TPD52L1: variants seen among roughly 807,000 people sequenced by gnomAD.
TPD52L1 encodes TPD52 like 1.
In TPD52L1, 18 loss-of-function variants were observed where a neutral mutation model predicts 28.7. The observed-to-expected ratio is 0.63, with a 90% confidence interval of 0.43 to 0.93. TPD52L1 has a LOEUF of 0.93. TPD52L1 is among the 40% of genes least tolerant of loss of function. TPD52L1 has a pLI of 0.00. For missense variants in TPD52L1, 203 were observed against 254.8 expected, an observed-to-expected ratio of 0.80 and a Z score of 1.39; for synonymous variants, 75 against 88.8, an observed-to-expected ratio of 0.84 and a Z score of 0.88.
intron 1 of TPD52L1, among the ~76,000 whole-genome samples, chr6:125,184,705 T>C (rs3799764): frequency 0.089 from 13,551 of 152,054 alleles, 719 homozygotes; most frequent in Middle Eastern, 0.14. Flanking sequence ...TAACAACTTA[T>C]AGAATTGAAA....
At chr6:125,172,512 CTATATATATATATATATATATA>C (rs60135828) in intron 1 of TPD52L1, among the ~76,000 whole-genome samples, 12 of 16,408 alleles carry the variant, frequency 7.3e-4, no homozygotes, top group African/African-American at 1.6e-3. Context: ...CTCTTTCATG[CTATATATATATATATATATATA>C]TATATATATA....
intron 6 of TPD52L1, among the ~76,000 whole-genome samples, chr6:125,260,534 G>A (rs2115070304): frequency 6.6e-6 from 1 of 152,290 alleles, no homozygotes; most frequent in South Asian, 2.1e-4. Flanking sequence ...GCCAGGCCTG[G>A]TGGCTCACGC....
intron 1 of TPD52L1, among the ~76,000 whole-genome samples, chr6:125,172,660 T>C (rs1791571859): frequency 7.7e-6 from 1 of 129,434 alleles, no homozygotes; most frequent in African/African-American, 3.0e-5. Flanking sequence ...ATAAATTAGG[T>C]ATATATATAT....
chr6:125,204,599 C>T, intron 1 of TPD52L1, among the ~76,000 whole-genome samples: 1 of 152,072 alleles, frequency 6.6e-6, no homozygotes, highest in Non-Finnish European at 1.5e-5. Context: ...CCTGCCTCAG[C>T]CTCCCTAGTA....
chr6:125,256,915 T>C (rs536097894), intron 5 of TPD52L1, among the ~76,000 whole-genome samples, 183 bp from the exon 6 acceptor site: 1 of 152,396 alleles, frequency 6.6e-6, no homozygotes, highest in Admixed American at 6.5e-5. Flanking sequence ...TGTCAGGTTA[T>C]GGTTTCTGAA....
chr6:125,229,092 C>T, intron 2 of TPD52L1, 26 bp from the exon 3 acceptor site: 1 of 1,603,124 alleles, frequency 6.2e-7, no homozygotes, highest in South Asian at 1.1e-5. Flanking sequence ...GACATTTTCC[C>T]CCACCATTTC....
At chr6:125,211,257 A>ATCTGTCTG (rs140587319) in intron 1 of TPD52L1, among the ~76,000 whole-genome samples, 13 of 125,864 alleles carry the variant, frequency 1.0e-4, no homozygotes, top group African/African-American at 4.2e-4. Flanking sequence ...AGATATATGG[A>ATCTGTCTG]TCTGTCTATC....
At position 125,264,183 on chromosome 6, in the gene TPD52L1, A is replaced by G. The variant is rs1247503173; in HGVS notation, c.*1221A>G. 6.6e-6 allele frequency: 1 copy of G among 152,160 alleles called. No individual in the cohort carries two copies. The highest frequency in any genetic ancestry group is 6.5e-5 in the Admixed American group (1 of 15,272). 9.4% of individuals were successfully genotyped at this position (152,160 alleles called of 1,614,324 possible). A position where few individuals can be genotyped will look rare whatever the true frequency, so the allele number is the denominator to read the frequency against. ...ATATGTATCTCTTTTCTTTTTCTAA[A>G]TGGGAACATATATTTGTTATTAGGT... On this transcript the variant is annotated 3_prime_UTR_variant, in exon 7 of 7. Coordinates refer to ENST00000534000, the MANE Select transcript of TPD52L1 (RefSeq NM_003287.4).
Position 125,153,789 on chromosome 6 carries a change from G to C in TPD52L1, c.-163G>C, listed in dbSNP as rs1789925327. The C allele has an allele frequency of 7.6e-5, 54 of 708,950 alleles. No individual in the cohort carries two copies. In the South Asian group the frequency reaches 1.1e-3, roughly 14 times the overall value. The allele number at this position is 708,950 out of a possible 1,614,324, so 43.9% of individuals were successfully genotyped here. A position where few individuals can be genotyped will look rare whatever the true frequency, so the allele number is the denominator to read the frequency against. ...GAGGTAACCAGAAGCGGCTAGTGGCGGCTGCCTGCGTCCCCAACCCCCTCC... is the reference window on the plus strand; with the variant it reads ...GAGGTAACCAGAAGCGGCTAGTGGCCGCTGCCTGCGTCCCCAACCCCCTCC... On this transcript the variant is annotated 5_prime_UTR_variant, in exon 1 of 7. Coordinates refer to ENST00000534000, the MANE Select transcript of TPD52L1 (RefSeq NM_003287.4).
At chr6:125,240,550 A>G (rs1361362669) in intron 3 of TPD52L1, among the ~76,000 whole-genome samples, 1 of 152,058 alleles carries the variant, frequency 6.6e-6, no homozygotes, top group Non-Finnish European at 1.5e-5. Context: ...TTGGTTAAGT[A>G]TATTCCTAAG....
rs893551647 is a variant in TPD52L1 at position 125,263,101 on chromosome 6, A to G, written c.*139A>G. Reference sequence around the variant, plus strand: ...ATTGTTATTCAAATGGCCCCTCCAGAAAGTTTAATGATTTCCATTTGTATT... The same window carrying G: ...ATTGTTATTCAAATGGCCCCTCCAGGAAGTTTAATGATTTCCATTTGTATT... On this transcript the variant is annotated 3_prime_UTR_variant, in exon 7 of 7. Coordinates refer to ENST00000534000, the MANE Select transcript of TPD52L1 (RefSeq NM_003287.4). The G allele has an allele frequency of 4.8e-6, 5 of 1,038,538 alleles. No individual in the cohort carries two copies. The highest frequency in any genetic ancestry group is 6.7e-6 in the Non-Finnish European group (5 of 742,396). 64.3% of individuals were successfully genotyped at this position (1,038,538 alleles called of 1,614,324 possible).
chr6:125,198,839 T>C (rs546790119), intron 1 of TPD52L1, among the ~76,000 whole-genome samples: 101 of 152,294 alleles, frequency 6.6e-4, no homozygotes, highest in Non-Finnish European at 1.1e-3. Context: ...TCGTATCTAG[T>C]TGGCAGAGGC....
intron 1 of TPD52L1, chr6:125,203,641 T>G: frequency 1.0e-6 from 1 of 985,436 alleles, no homozygotes; most frequent in Middle Eastern, 5.2e-4. Flanking sequence ...GCAGAAACCC[T>G]TGGTGTGTGC....
chr6:125,252,013 G>A (rs1797300849), intron 4 of TPD52L1: 11 of 1,536,004 alleles, frequency 7.2e-6, no homozygotes, highest in East Asian at 4.9e-5. Flanking sequence ...CTGTGCTTCC[G>A]GGCTGCAGGT....
intron 4 of TPD52L1, chr6:125,252,799 T>C (rs74454028): frequency 6.6e-6 from 1 of 152,342 alleles, no homozygotes; most frequent in East Asian, 1.9e-4. Flanking sequence ...CCCATGAATT[T>C]GTTTGTCCTT....
intron 1 of TPD52L1, among the ~76,000 whole-genome samples, chr6:125,205,264 G>A (rs1028723985): frequency 3.3e-5 from 5 of 152,276 alleles, no homozygotes; most frequent in East Asian, 3.9e-4. Context: ...AGCAAACTTG[G>A]TGACCCCGAC....
intron 2 of TPD52L1, chr6:125,222,074 G>A (rs1476517545): frequency 6.6e-6 from 1 of 152,186 alleles, no homozygotes; most frequent in Non-Finnish European, 1.5e-5. Context: ...TCTGCTTTAT[G>A]CTCATTCTGT....
At position 125,216,527 on chromosome 6, in the gene TPD52L1, GTGTATATATA is replaced by G. The variant is rs1440989788; in HGVS notation, c.20-3549_20-3540del. ...TTGCAACAGTAAATTCAGTATGTGT[GTGTATATATA>G]TATATATATATATATATATATATAT... On this transcript the variant is annotated intron_variant, in intron 1 of 6. Coordinates refer to ENST00000534000, the MANE Select transcript of TPD52L1 (RefSeq NM_003287.4). 9.1e-3 allele frequency among the ~76,000 whole-genome samples: 364 copies of G among 40,190 alleles called. 6 individuals are homozygous for G. Among genetic ancestry groups the G allele is most frequent in the African/African-American group, 0.024 (340 of 14,066 alleles). 26.4% of individuals were successfully genotyped at this position (40,190 alleles called of 152,430 possible). A position where few individuals can be genotyped will look rare whatever the true frequency, so the allele number is the denominator to read the frequency against.
At chr6:125,260,682 G>A (rs1334244805) in intron 6 of TPD52L1, among the ~76,000 whole-genome samples, 1 of 151,768 alleles carries the variant, frequency 6.6e-6, no homozygotes, top group Non-Finnish European at 1.5e-5. Flanking sequence ...GTGGGTGCCT[G>A]TAATATCAGC....
Sources: allele counts gnomAD v4.1 joint callset (sites outside exome capture counted in the v4.1 genomes callset), GRCh38; gene constraint gnomAD v4.1.1; transcripts MANE v1.5; gene names NCBI Gene and HGNC (gene_info 2026-07-23, HGNC 2026-07-21).